Variants in CLDN16 observed in about 807,000 individuals in gnomAD.
CLDN16 encodes the protein claudin 16, also known as claudin-16.
A neutral mutation model predicts 24.6 loss-of-function variants in CLDN16; 13 were observed. The observed-to-expected ratio is 0.53, with a 90% confidence interval of 0.34 to 0.84. The LOEUF (loss-of-function observed/expected upper bound fraction) is 0.84. CLDN16 is among the 40% of genes least tolerant of loss of function. The pLI is 0.01. For synonymous variants in CLDN16, 116 were observed against 106.7 expected, an observed-to-expected ratio of 1.09 and a Z score of -0.54; for missense variants, 298 against 292.7, an observed-to-expected ratio of 1.02 and a Z score of -0.13.
upstream of CLDN16, among the ~76,000 whole-genome samples, chr3:190,320,040 TA>T (rs1427939721): frequency 6.6e-6 from 1 of 151,918 alleles, no homozygotes; most frequent in Non-Finnish European, 1.5e-5. Context: ...TCTGGAGTTT[TA>T]AAAAAATAGG....
At position 190,335,023 on chromosome 3, in the gene CLDN16, C is replaced by CT. The variant is rs57744577; in HGVS notation, n.121+12377dup. Among the ~76,000 whole-genome samples the CT allele has an allele frequency of 4.9e-3, 664 of 134,334 alleles. 2 individuals are homozygous for CT. The highest frequency in any genetic ancestry group is 8.9e-3 in the African/African-American group (335 of 37,716). 88.1% of individuals were successfully genotyped at this position (134,334 alleles called of 152,430 possible). ...ATTCTTTTCTTTCCTTTTCTTTTTT[C>CT]TTTTTTTTTTTTTTTGTTTGTTGTG... On this transcript the variant is annotated intron_variant and non_coding_transcript_variant, in intron 1 of 4. Transcript: ENST00000468220.
chr3:190,401,845 C>T (rs1054210812), intron 1 of CLDN16, among the ~76,000 whole-genome samples: 2 of 151,700 alleles, frequency 1.3e-5, no homozygotes, highest in African/African-American at 4.8e-5. Context: ...TATTTATAAA[C>T]TTCATATATA....
the CLDN16 span, among the ~76,000 whole-genome samples, chr3:190,290,469 C>G: frequency 1.3e-5 from 2 of 152,156 alleles, no homozygotes; most frequent in African/African-American, 4.8e-5. Context: ...CCTTCAGGAT[C>G]TCTTTCAGTC....
At chr3:190,388,125 C>T, upstream of CLDN16, 1 of 1,613,894 alleles carries the variant, frequency 6.2e-7, no homozygotes, top group East Asian at 2.2e-5. Context: ...GGATAATGAC[C>T]TCCAGGACCC....
At chr3:190,290,948 G>T in the CLDN16 span, among the ~76,000 whole-genome samples, 1 of 152,228 alleles carries the variant, frequency 6.6e-6, no homozygotes, top group Middle Eastern at 3.4e-3. Flanking sequence ...TTGGTGATAA[G>T]AATTATGAAG....
the CLDN16 span, among the ~76,000 whole-genome samples, chr3:190,293,007 C>T: frequency 2.0e-5 from 3 of 152,198 alleles, no homozygotes; most frequent in Non-Finnish European, 4.4e-5. Flanking sequence ...ATAGCAGTAC[C>T]TCATTGCCTC....
intron 1 of CLDN16, among the ~76,000 whole-genome samples, chr3:190,335,153 C>A (rs562789625): frequency 6.6e-6 from 1 of 151,660 alleles, no homozygotes; most frequent in African/African-American, 2.4e-5. Flanking sequence ...AAGCGATTCT[C>A]CTGCCACAGC....
At position 190,405,070 on chromosome 3, in the gene CLDN16, C is replaced by G; in HGVS notation, c.382+144C>G. The G allele has an allele frequency of 3.7e-6, 3 of 800,712 alleles. No individual in the cohort carries two copies. In the South Asian group the frequency reaches 4.3e-5, roughly 11 times the overall value. 49.6% of individuals were successfully genotyped at this position (800,712 alleles called of 1,614,324 possible). A position where few individuals can be genotyped will look rare whatever the true frequency, so the allele number is the denominator to read the frequency against. Reference sequence around the variant, plus strand: ...ATTGAAAAACTAAAGGTCACTTCTACCAGCCCTGCATACTTTAGCTTTGAA... The same window carrying G: ...ATTGAAAAACTAAAGGTCACTTCTAGCAGCCCTGCATACTTTAGCTTTGAA... On this transcript the variant is annotated intron_variant, in intron 3 of 4. Coordinates refer to ENST00000264734, the MANE Select transcript of CLDN16 (RefSeq NM_006580.4).
intron 1 of CLDN16, among the ~76,000 whole-genome samples, chr3:190,355,476 A>T (rs1404982038): frequency 6.6e-6 from 1 of 151,836 alleles, no homozygotes; most frequent in African/African-American, 2.4e-5. Flanking sequence ...AAAACTTTCT[A>T]ATTAAAACTA....
chr3:190,380,646 A>G (rs1316818114), intron 3 of CLDN16, among the ~76,000 whole-genome samples: 1 of 152,090 alleles, frequency 6.6e-6, no homozygotes, highest in Non-Finnish European at 1.5e-5. Context: ...ACAGAATGGG[A>G]GAAAATTTTT....
At chr3:190,297,230 T>C in the CLDN16 span, among the ~76,000 whole-genome samples, 25,002 of 151,548 alleles carry the variant, frequency 0.16, 2,433 homozygotes, top group African/African-American at 0.27. Flanking sequence ...CATTTTTCAG[T>C]TTATTCTTTT....
At chr3:190,330,464 C>T (rs1018903882) in intron 1 of CLDN16, among the ~76,000 whole-genome samples, 3 of 152,088 alleles carry the variant, frequency 2.0e-5, no homozygotes, top group Non-Finnish European at 2.9e-5. Flanking sequence ...TGGTTGCTCG[C>T]TGTGTGATAT....
chr3:190,310,354 A>C, the CLDN16 span: 716 of 810,518 alleles, frequency 8.8e-4, no homozygotes, highest in Non-Finnish European at 1.2e-3. Flanking sequence ...ATTAAATCTC[A>C]TCAATAGTGT....
chr3:190,335,011 CT>C (rs1282335004), intron 1 of CLDN16, among the ~76,000 whole-genome samples: 1 of 136,090 alleles, frequency 7.3e-6, no homozygotes, highest in African/African-American at 3.1e-5. Flanking sequence ...CTTTTCTTTC[CT>C]TTTCTTTTTT....
rs184041868 is a variant in CLDN16, at chr3:190,398,411, C to A, written c.115-3926C>A. Among the ~76,000 whole-genome samples, 5 of 152,310 alleles carry A rather than the reference C, an allele frequency of 3.3e-5. No individual in the cohort carries two copies. The East Asian group carries it at 9.6e-4, about 29-fold the overall frequency. ...GGCATTCCTTGACTTGTAGCTTTAT[C>A]CCTCCAATGTCTCTGCCTCAGAGGT... is the stretch of plus-strand genomic sequence containing the variant. On this transcript the variant is annotated intron_variant, in intron 1 of 4. Coordinates refer to ENST00000264734, the MANE Select transcript of CLDN16 (RefSeq NM_006580.4).
intron 2 of CLDN16, among the ~76,000 whole-genome samples, chr3:190,404,093 C>T (rs915610110): frequency 4.6e-5 from 7 of 152,114 alleles, no homozygotes; most frequent in Middle Eastern, 3.4e-3. Context: ...AAATAAGTCA[C>T]GTCTGGAAGA....
chr3:190,338,052 T>C (rs1717350113), intron 1 of CLDN16, among the ~76,000 whole-genome samples: 1 of 152,156 alleles, frequency 6.6e-6, no homozygotes, highest in Non-Finnish European at 1.5e-5. Flanking sequence ...CAACAGCCAT[T>C]ACATGGTGCC....
intron 1 of CLDN16, among the ~76,000 whole-genome samples, chr3:190,358,920 C>T (rs1424394164): frequency 6.6e-6 from 1 of 151,912 alleles, no homozygotes; most frequent in Non-Finnish European, 1.5e-5. Context: ...ATGGCCTTTC[C>T]TTTGAAAAAT....
chr3:190,312,766 G>T, the CLDN16 span: 1 of 1,279,252 alleles, frequency 7.8e-7, no homozygotes, highest in Non-Finnish European at 1.1e-6. Flanking sequence ...TATGTTTGCA[G>T]TTTGCCTTAG....
Sources: gnomAD v4.1 joint callset for allele counts (sites outside exome capture counted in the v4.1 genomes callset) on GRCh38, gnomAD v4.1.1 for gene constraint, MANE v1.5 for transcripts, NCBI Gene and HGNC (gene_info 2026-07-23, HGNC 2026-07-21) for gene names.